The following BNIP3L variants were observed in gnomAD, a reference collection of about 807,000 sequenced individuals.
BNIP3L encodes the protein BCL2 interacting protein 3 like.
Under a neutral mutation model 25.5 loss-of-function variants are expected in BNIP3L, and 10 were observed. That is an observed-to-expected ratio of 0.39 (90% confidence interval 0.24 to 0.67). The LOEUF (loss-of-function observed/expected upper bound fraction) is 0.67. Among genes scored for constraint, BNIP3L ranks in the 30% least tolerant of loss-of-function variants. BNIP3L has a pLI of 0.45. For missense variants in BNIP3L, 215 were observed against 270.9 expected, an observed-to-expected ratio of 0.79 and a Z score of 1.45; for synonymous variants, 113 against 101.2, an observed-to-expected ratio of 1.12 and a Z score of -0.70.
At chr8:26,390,880 A>C (rs1454866472) in intron 1 of BNIP3L, among the ~76,000 whole-genome samples, 1 of 152,208 alleles carries the variant, frequency 6.6e-6, no homozygotes, top group Non-Finnish European at 1.5e-5. Flanking sequence ...GTATATATAC[A>C]CCAACTAAAA....
Position 26,402,827 on chromosome 8 carries a change from T to C in BNIP3L, c.358-5173T>C, listed in dbSNP as rs532938570. The stretch of plus-strand genomic sequence containing the variant: ...AATGTTTCCCAAGCTTATTTGACCT[T>C]AGACTTTCTTCCTCTTCTCTGCATA... On this transcript the variant is annotated intron_variant, in intron 3 of 5. Transcript: ENST00000380629. Among the ~76,000 whole-genome samples the C allele has an allele frequency of 2.0e-5, 3 of 152,340 alleles. No individual in the cohort carries two copies. In the South Asian group the frequency reaches 6.2e-4, roughly 32 times the overall value.
intron 1 of BNIP3L, among the ~76,000 whole-genome samples, chr8:26,383,650 A>AGCGGGGAGGG: frequency 1.0e-5 from 1 of 100,214 alleles, no homozygotes; most frequent in Admixed American, 9.8e-5. Context: ...GACGCGCGGG[A>AGCGGGGAGGG]GCGGGGCGGG....
At position 26,385,595 on chromosome 8, in the gene BNIP3L, T is replaced by A. The variant is rs1474982718; in HGVS notation, c.100+2365T>A. 5.8e-5 allele frequency among the ~76,000 whole-genome samples: 8 copies of A among 137,352 alleles called. No homozygotes were observed. In the East Asian group the frequency reaches 1.5e-3, roughly 26 times the overall value. 90.1% of individuals were successfully genotyped at this position (137,352 alleles called of 152,430 possible). ...TCCAGCCTGGGTGACAGAGCAAGAC[T>A]CTGTCTCAAAAAAAAAAAGGGGCGA... On this transcript the variant is annotated intron_variant, in intron 1 of 5. Transcript: ENST00000380629.
chr8:26,412,959 A>T lies in BNIP3L; in HGVS notation c.*2547A>T, dbSNP rs1429807008. The T allele has an allele frequency of 1.3e-5, 2 of 152,626 alleles. No individual in the cohort carries two copies. The highest frequency in any genetic ancestry group is 1.9e-4 in the East Asian group (1 of 5,204). 9.5% of individuals were successfully genotyped at this position (152,626 alleles called of 1,614,324 possible). ...GAATTGAAGACTTAGCCAGTCAGAT[A>T]AGTTTTTTCATGAACCCGTTGTGGA... On this transcript the variant is annotated 3_prime_UTR_variant, in exon 6 of 6. Transcript: ENST00000380629.
chr8:26,395,264 G>A lies in BNIP3L; in HGVS notation c.319G>A (p.Asp107Asn). 5 of 1,614,128 alleles carry A rather than the reference G, an allele frequency of 3.1e-6. No individual in the cohort carries two copies. Among genetic ancestry groups the A allele is most frequent in the Non-Finnish European group, 4.2e-6 (5 of 1,180,000 alleles). Residue 107 changes from aspartate to asparagine, a missense_variant, in exon 3 of 6, where the codon GAT (aspartate) becomes AAT (asparagine). Around this residue, in one of 4 missense-constraint regions of BNIP3L, gnomAD observed 47 missense variants for 43.3 expected, o/e 1.09. Transcript: ENST00000380629. ...ACAAGAAGATGGGCAGATCATGTTT[G>A]ATGTGGAAATGCACACCAGCAGGGA... is the stretch of plus-strand genomic sequence containing the variant. ...SPQEDGQIMFDVEMHTSRDHS... is the reference protein window; with the variant it reads ...SPQEDGQIMFNVEMHTSRDHS...
chr8:26,390,573 A>G (rs1321238525), intron 1 of BNIP3L: 1 of 976,914 alleles, frequency 1.0e-6, no homozygotes, highest in African/African-American at 1.8e-5. Flanking sequence ...TACAAAGGAA[A>G]TGAAGAAACT....
intron 3 of BNIP3L, among the ~76,000 whole-genome samples, chr8:26,403,148 C>T (rs182743433): frequency 5.3e-5 from 8 of 152,146 alleles, no homozygotes; most frequent in Admixed American, 3.3e-4. Flanking sequence ...ACAATCAGAT[C>T]GGTCAGTTTC....
In BNIP3L at chr8:26,410,514, C is replaced by T; in HGVS notation, c.*102C>T. On this transcript the variant is annotated 3_prime_UTR_variant, in exon 6 of 6. Coordinates refer to ENST00000380629, the MANE Select transcript of BNIP3L (RefSeq NM_004331.3). ...ACCATTGTAAGCATGACCCAACCTACCACCCTGTTTTTACATATCCAATTC... is the reference window on the plus strand; with the variant it reads ...ACCATTGTAAGCATGACCCAACCTATCACCCTGTTTTTACATATCCAATTC... 1 of 1,339,966 alleles carries T rather than the reference C, an allele frequency of 7.5e-7. No homozygotes were observed. Among genetic ancestry groups the T allele is most frequent in the Non-Finnish European group, 1.1e-6 (1 of 937,636 alleles). 83.0% of individuals were successfully genotyped at this position (1,339,966 alleles called of 1,614,324 possible). A position where few individuals can be genotyped will look rare whatever the true frequency, so the allele number is the denominator to read the frequency against.
chr8:26,385,141 C>T (rs1805964774), intron 1 of BNIP3L, among the ~76,000 whole-genome samples: 1 of 152,186 alleles, frequency 6.6e-6, no homozygotes, highest in South Asian at 2.1e-4. Flanking sequence ...GTGTGTTATT[C>T]TACCTAATTG....
chr8:26,407,209 G>A lies in BNIP3L; in HGVS notation c.358-791G>A, dbSNP rs111960743. On this transcript the variant is annotated intron_variant, in intron 3 of 5. Transcript: ENST00000380629. ...TTTGTTTTGTTTTGTTTTTTGAGGCGGAGTCTCGCTCTTTCCCCCAGGCAG... is the reference window on the plus strand; with the variant it reads ...TTTGTTTTGTTTTGTTTTTTGAGGCAGAGTCTCGCTCTTTCCCCCAGGCAG... Among the ~76,000 whole-genome samples the A allele has an allele frequency of 6.7e-5, 10 of 148,956 alleles. 1 individual carries two copies. Among genetic ancestry groups the A allele is most frequent in the African/African-American group, 2.2e-4 (9 of 40,396 alleles).
chr8:26,401,704 C>T (rs377035587), intron 3 of BNIP3L, among the ~76,000 whole-genome samples: 364 of 150,962 alleles, frequency 2.4e-3, no homozygotes, highest in Non-Finnish European at 3.7e-3. Flanking sequence ...AAAGCAGTGG[C>T]TTTTGAGATA....
rs1806545269 is a variant in BNIP3L, at chr8:26,408,338, A to G, written c.573A>G (p.Pro191=). 1 of 1,614,100 alleles carries G rather than the reference A, an allele frequency of 6.2e-7. No individual in the cohort carries two copies. The highest frequency in any genetic ancestry group is 8.5e-7 in the Non-Finnish European group (1 of 1,179,974). ...FSAEFLKVFI[P]SLFLSHVLAL... Reference sequence around the variant, plus strand: ...CAGAATTTCTGAAGGTGTTCATTCCATCTCTCTTCCTTTCTCATGTTTTGG... The same window carrying G: ...CAGAATTTCTGAAGGTGTTCATTCCGTCTCTCTTCCTTTCTCATGTTTTGG... The change falls in exon 5 of 6, where the codon CCA becomes CCG. Residue 191 remains proline, a synonymous_variant. Transcript: ENST00000380629.
At chr8:26,385,601 T>C (rs1189642152) in intron 1 of BNIP3L, among the ~76,000 whole-genome samples, 1 of 83,558 alleles carries the variant, frequency 1.2e-5, no homozygotes, top group Non-Finnish European at 2.2e-5. Context: ...AGACTCTGTC[T>C]CAAAAAAAAA....
rs1292435456 is a variant in BNIP3L, at chr8:26,410,473, C to G, written c.*61C>G. The stretch of plus-strand genomic sequence containing the variant: ...GTGAAGTGGTGTATTGTCACAGTAG[C>G]TTATTTGAACTTGAGACCATTGTAA... On this transcript the variant is annotated 3_prime_UTR_variant, in exon 6 of 6. Transcript: ENST00000380629. 1.3e-6 allele frequency: 2 copies of G among 1,587,944 alleles called. No homozygotes were observed. Among genetic ancestry groups the G allele is most frequent in the Non-Finnish European group, 1.7e-6 (2 of 1,156,592 alleles).
At chr8:26,385,199 T>C (rs1400637972) in intron 1 of BNIP3L, among the ~76,000 whole-genome samples, 1 of 152,204 alleles carries the variant, frequency 6.6e-6, no homozygotes, top group Non-Finnish European at 1.5e-5. Flanking sequence ...GTTTCTTAAT[T>C]GTACAGTTTT....
At chr8:26,389,708 A>C (rs1024522279) in intron 1 of BNIP3L, among the ~76,000 whole-genome samples, 6 of 152,328 alleles carry the variant, frequency 3.9e-5, no homozygotes, top group African/African-American at 1.4e-4. Flanking sequence ...CGGTGTTATT[A>C]TTATCTCTGT....
At position 26,383,238 on chromosome 8, in the gene BNIP3L, C is replaced by G; in HGVS notation, c.100+8C>G. ...CGCCGGCCGGCCTCAACAGTGAGTG[C>G]GGGGCCGAGGCTCTGTGAAGGGGAT... On this transcript the variant is annotated splice_region_variant and intron_variant, in intron 1 of 5. Coordinates refer to ENST00000380629, the MANE Select transcript of BNIP3L (RefSeq NM_004331.3). 2 of 1,602,536 alleles carry G rather than the reference C, an allele frequency of 1.2e-6. No homozygotes were observed. Among genetic ancestry groups the G allele is most frequent in the Non-Finnish European group, 1.7e-6 (2 of 1,175,138 alleles).
At chr8:26,385,670 C>G (rs1211166719) in intron 1 of BNIP3L, among the ~76,000 whole-genome samples, 1 of 151,900 alleles carries the variant, frequency 6.6e-6, no homozygotes, top group African/African-American at 2.4e-5. Context: ...TCTGACAGAC[C>G]TATGAGGAGT....
chr8:26,403,480 G>A (rs1262128257), intron 3 of BNIP3L, among the ~76,000 whole-genome samples: 2 of 151,452 alleles, frequency 1.3e-5, no homozygotes, highest in African/African-American at 4.9e-5. Context: ...TTTCTAAGAT[G>A]AGGAAGTAAA....
Sources: gnomAD v4.1 joint callset for allele counts (sites outside exome capture counted in the v4.1 genomes callset) on GRCh38, gnomAD v4.1.1 for gene constraint, gnomAD v4.1.1 regional missense constraint, MANE v1.5 for transcripts, NCBI Gene and HGNC (gene_info 2026-07-23, HGNC 2026-07-21) for gene names.